Variants in PCDH9 observed in about 807,000 individuals in gnomAD.
PCDH9 encodes the protein protocadherin-9.
A neutral mutation model predicts 70.6 loss-of-function variants in PCDH9; 24 were observed. That is an observed-to-expected ratio of 0.34 (90% CI 0.25 to 0.48). PCDH9 has a LOEUF of 0.48. Among genes scored for constraint, PCDH9 ranks in the 20% least tolerant of loss-of-function variants. The probability of loss-of-function intolerance (pLI) is 0.99; values close to 1 mark genes in which losing one functional copy is unlikely to be tolerated. For missense variants in PCDH9, 1,281 were observed against 1,503.6 expected (o/e 0.85, Z 2.45); for synonymous variants, 562 against 558.5 (o/e 1.01, Z -0.09).
chr13:66,812,085 C>G (rs571636597), intron 3 of PCDH9, among the ~76,000 whole-genome samples: 2 of 152,024 alleles, frequency 1.3e-5, no homozygotes, highest in South Asian at 2.1e-4. Flanking sequence ...CACTCTTCCC[C>G]CTAAGTACCC....
chr13:66,360,151 A>G (rs1956445452), intron 4 of PCDH9, among the ~76,000 whole-genome samples: 1 of 152,116 alleles, frequency 6.6e-6, no homozygotes, highest in Admixed American at 6.6e-5. Flanking sequence ...TTGCACAAAA[A>G]CTAAGAGTCC....
At chr13:66,755,378 C>A (rs1202522195) in intron 3 of PCDH9, among the ~76,000 whole-genome samples, 1 of 152,100 alleles carries the variant, frequency 6.6e-6, no homozygotes, top group Non-Finnish European at 1.5e-5. Flanking sequence ...AGTTGGAGAG[C>A]GACTGACATA....
At chr13:67,018,969 C>T (rs141472239) in intron 2 of PCDH9, among the ~76,000 whole-genome samples, 2,841 of 152,152 alleles carry the variant, frequency 0.019, 167 homozygotes, top group Admixed American at 0.12. Context: ...CACCACCTGC[C>T]CTAGTTGCTT....
Position 67,106,197 on chromosome 13 carries a change from A to C in PCDH9, c.3036+119208T>G, listed in dbSNP as rs151314308. On this transcript the variant is annotated intron_variant, in intron 2 of 4. Coordinates refer to ENST00000377865, the MANE Select transcript of PCDH9 (RefSeq NM_203487.3). ...ATTTCAGAATGATTGTGAAGATTAA[A>C]TTGGATAACTTTAAAACTCTTGGGG... Among the ~76,000 whole-genome samples, 353 of 152,334 alleles carry C rather than the reference A, an allele frequency of 2.3e-3. 2 individuals carry two copies. The highest frequency in any genetic ancestry group is 8.2e-3 in the African/African-American group (343 of 41,594).
intron 4 of PCDH9, among the ~76,000 whole-genome samples, chr13:66,571,099 A>G (rs1441076877): frequency 1.3e-5 from 2 of 152,048 alleles, no homozygotes; most frequent in Non-Finnish European, 2.9e-5. Flanking sequence ...AAAAGTAACA[A>G]GAATTGTTGC....
intron 3 of PCDH9, among the ~76,000 whole-genome samples, chr13:66,866,722 A>G (rs2139494929): frequency 6.6e-6 from 1 of 151,242 alleles, no homozygotes; most frequent in South Asian, 2.1e-4. Context: ...ACTTGAACCC[A>G]GGATACGGAG....
At chr13:67,033,638 T>G (rs998620999) in intron 2 of PCDH9, among the ~76,000 whole-genome samples, 1 of 152,070 alleles carries the variant, frequency 6.6e-6, no homozygotes, top group Non-Finnish European at 1.5e-5. Flanking sequence ...CCAAGAGAAT[T>G]TTCAAAAGGC....
At chr13:66,452,510 G>A (rs1958234333) in intron 4 of PCDH9, among the ~76,000 whole-genome samples, 1 of 151,952 alleles carries the variant, frequency 6.6e-6, no homozygotes, top group Admixed American at 6.6e-5. Context: ...TCTTTTGAGT[G>A]CTTTGGAACT....
intron 3 of PCDH9, among the ~76,000 whole-genome samples, chr13:66,901,673 T>G (rs1046798352): frequency 6.6e-6 from 1 of 151,726 alleles, no homozygotes; most frequent in African/African-American, 2.4e-5. Context: ...CCCTAGACCT[T>G]TAGTCAAACC....
intron 3 of PCDH9, among the ~76,000 whole-genome samples, chr13:66,814,458 C>T (rs2080565583): frequency 2.0e-5 from 3 of 151,996 alleles, no homozygotes; most frequent in African/African-American, 4.8e-5. Flanking sequence ...AATGTCTATG[C>T]CATTATTGTA....
At chr13:66,737,689 A>G (rs930814659) in intron 3 of PCDH9, among the ~76,000 whole-genome samples, 3 of 152,314 alleles carry the variant, frequency 2.0e-5, no homozygotes, top group East Asian at 1.9e-4. Context: ...CCTGGGAAGC[A>G]CAAGGGGTCA....
Position 66,462,376 on chromosome 13 carries a change from A to T in PCDH9, c.3341-157348T>A, listed in dbSNP as rs118126699. Among the ~76,000 whole-genome samples the T allele has an allele frequency of 4.5e-3, 688 of 151,994 alleles. 28 individuals carry two copies. The East Asian group carries it at 0.088, about 20-fold the overall frequency. Reference sequence around the variant, plus strand: ...AAAGTGCCGTTATCAGAAATAAGGAAGTCAGGAAGAGACATCTATTGGGGA... The same window carrying T: ...AAAGTGCCGTTATCAGAAATAAGGATGTCAGGAAGAGACATCTATTGGGGA... On this transcript the variant is annotated intron_variant, in intron 4 of 4. Transcript: ENST00000377865.
intron 2 of PCDH9, among the ~76,000 whole-genome samples, chr13:66,947,213 C>G (rs974251652): frequency 6.6e-6 from 1 of 152,024 alleles, no homozygotes; most frequent in African/African-American, 2.4e-5. Flanking sequence ...TATCTCTGAC[C>G]CCTCAGAATG....
At chr13:66,782,896 G>A (rs556564285) in intron 3 of PCDH9, 64 of 152,206 alleles carry the variant, frequency 4.2e-4, no homozygotes, top group African/African-American at 1.2e-3. Context: ...TTAATGACCC[G>A]CTATACAGCT....
At chr13:66,464,705 C>A (rs941209878) in intron 4 of PCDH9, among the ~76,000 whole-genome samples, 5 of 151,860 alleles carry the variant, frequency 3.3e-5, no homozygotes, top group Admixed American at 6.6e-5. Context: ...AGAGAGGGGA[C>A]TGCAAGTGGA....
intron 2 of PCDH9, among the ~76,000 whole-genome samples, chr13:67,153,733 T>A (rs1384980098): frequency 6.6e-6 from 1 of 152,210 alleles, no homozygotes; most frequent in Non-Finnish European, 1.5e-5. Flanking sequence ...CCCTCTTTGC[T>A]AACTTAGAGG....
intron 3 of PCDH9, among the ~76,000 whole-genome samples, chr13:66,743,347 G>T (rs1344749923): frequency 1.6e-5 from 2 of 122,048 alleles, no homozygotes; most frequent in Non-Finnish European, 3.4e-5. Context: ...ACTGTGGTGG[G>T]GTGGGGGGAG....
intron 4 of PCDH9, among the ~76,000 whole-genome samples, chr13:66,551,313 G>A (rs1961478326): frequency 6.6e-6 from 1 of 152,064 alleles, no homozygotes; most frequent in Non-Finnish European, 1.5e-5. Flanking sequence ...ATTTCACTGT[G>A]GAATAGATAC....
chr13:66,669,414 G>C (rs1355349252), intron 3 of PCDH9, among the ~76,000 whole-genome samples: 1 of 152,024 alleles, frequency 6.6e-6, no homozygotes, highest in Non-Finnish European at 1.5e-5. Context: ...TTGGGGCAGA[G>C]AGCAGTCTTC....
Sources: allele counts gnomAD v4.1 joint callset (sites outside exome capture counted in the v4.1 genomes callset), GRCh38; gene constraint gnomAD v4.1.1; transcripts MANE v1.5; gene names NCBI Gene and HGNC (gene_info 2026-07-23, HGNC 2026-07-21).